NEB: variants seen among roughly 807,000 people sequenced by gnomAD.
NEB encodes nemaline myopathy type 2.
NEB carries 512 observed loss-of-function variants against 952.2 expected under a neutral mutation model. The observed-to-expected ratio is 0.54, with a 90% CI of 0.50 to 0.58. NEB has a LOEUF of 0.58. Ranked by LOEUF, NEB falls within the 20% of genes least tolerant of loss-of-function variation. NEB has a pLI of 0.00. For synonymous variants in NEB, 2,900 were observed against 3,149.8 expected, an observed-to-expected ratio of 0.92 and a Z score of 2.66; for missense variants, 8,428 against 9,231.1, an observed-to-expected ratio of 0.91 and a Z score of 3.56.
At chr2:151,571,279 A>G (rs1486314255) in intron 107 of NEB, among the ~76,000 whole-genome samples, 1 of 152,160 alleles carries the variant, frequency 6.6e-6, no homozygotes, top group Admixed American at 6.5e-5. Context: ...GTGCTCCAAT[A>G]ATATTCTTTC....
intron 173 of NEB, 39 bp downstream of exon 173, chr2:151,496,237 A>G: frequency 1.3e-6 from 2 of 1,500,362 alleles, no homozygotes; most frequent in Non-Finnish European, 1.8e-6. Flanking sequence ...AGTAGTTTTT[A>G]AAATCAGTAA....
chr2:151,563,774 AT>A (rs2096232014), intron 118 of NEB, 48 bp downstream of exon 118: 1 of 1,607,328 alleles, frequency 6.2e-7, no homozygotes. Flanking sequence ...CAGCCCCTTG[AT>A]CCCCAGTAAA....
intron 17 of NEB, 66 bp from the exon 18 acceptor site, chr2:151,695,748 T>C (rs1402750691): frequency 8.1e-7 from 1 of 1,236,640 alleles, no homozygotes; most frequent in African/African-American, 1.5e-5. Flanking sequence ...TCTTGTGTGG[T>C]ACATTTTGTA....
At chr2:151,556,945 C>A (rs979257666) in intron 124 of NEB, among the ~76,000 whole-genome samples, 1 of 151,994 alleles carries the variant, frequency 6.6e-6, no homozygotes, top group Non-Finnish European at 1.5e-5. Flanking sequence ...CCTAACATCA[C>A]AATTAAAAGA....
chr2:151,538,317 C>G, intron 138 of NEB, 73 bp from the exon 139 acceptor site: 2 of 1,101,902 alleles, frequency 1.8e-6, no homozygotes, highest in Non-Finnish European at 2.7e-6. Flanking sequence ...TAAGCATGAA[C>G]TCTCTTGTCT....
At chr2:151,680,943 ATGC>A in intron 29 of NEB, 115 bp from the exon 30 acceptor site, 2 of 825,986 alleles carry the variant, frequency 2.4e-6, no homozygotes, top group Admixed American at 1.9e-5. Context: ...TGATTTTAAA[ATGC>A]AAAAACACTA....
Position 151,526,942 on chromosome 2 carries a change from G to C in NEB, c.21921C>G (p.Leu7307=), listed in dbSNP as rs752202907. The change falls in exon 148 of 182, where the codon CTC becomes CTG. Residue 7307 remains leucine (L), a synonymous_variant. Transcript: ENST00000397345. Reference sequence around the variant, plus strand: ...CATCACTTTCTATTAAAGTATTCCTGAGGGCGAGCACCGTGTTTTTGTCAT... The same window carrying C: ...CATCACTTTCTATTAAAGTATTCCTCAGGGCGAGCACCGTGTTTTTGTCAT... The part of the protein sequence containing the change: ...VTDDKNTVLA[L]RNTLIESDLK... 1 of 1,600,176 alleles carries C rather than the reference G, an allele frequency of 6.2e-7. No individual in the cohort carries two copies. Among genetic ancestry groups the C allele is most frequent in the Non-Finnish European group, 8.5e-7 (1 of 1,172,094 alleles).
chr2:151,569,911 G>C (rs567882559), intron 109 of NEB, among the ~76,000 whole-genome samples, 170 bp downstream of exon 109: 1 of 152,152 alleles, frequency 6.6e-6, no homozygotes, highest in South Asian at 2.1e-4. Context: ...ATAAAGTCCA[G>C]GTCCTTCTTG....
intron 71 of NEB, 137 bp from the exon 72 acceptor site, chr2:151,621,163 CT>C: frequency 3.2e-6 from 2 of 621,120 alleles, no homozygotes; most frequent in Non-Finnish European, 5.6e-6. Flanking sequence ...AGAACTCTTT[CT>C]TTTACTTTCT....
At chr2:151,619,937 A>G (rs2098347257) in intron 72 of NEB, among the ~76,000 whole-genome samples, 175 bp from the exon 73 acceptor site, 2 of 152,014 alleles carry the variant, frequency 1.3e-5, no homozygotes, top group Non-Finnish European at 2.9e-5. Flanking sequence ...CCACAGAATA[A>G]CCCCACAATG....
chr2:151,695,739 C>G, intron 17 of NEB, 57 bp from the exon 18 acceptor site: 4 of 1,311,342 alleles, frequency 3.1e-6, no homozygotes, highest in Non-Finnish European at 4.3e-6. Flanking sequence ...TACAAAAATT[C>G]TTGTGTGGTA....
At chr2:151,690,173 T>C (rs1283165866) in intron 24 of NEB, 1 of 155,860 alleles carries the variant, frequency 6.4e-6, no homozygotes. Context: ...GCACTGCTGT[T>C]TTCCCCCGAT....
rs558563333 is a variant in NEB at position 151,502,117 on chromosome 2, G to A, written c.23929-634C>T. On this transcript the variant is annotated intron_variant, in intron 167 of 181. Transcript: ENST00000397345. ...TAGTATTGTAAGTGAAGTAACTCAG[G>A]AATGGAAAACCAAACATTGTATGTT... 4.0e-4 allele frequency among the ~76,000 whole-genome samples: 61 copies of A among 152,172 alleles called. 1 individual carries two copies. The highest frequency in any genetic ancestry group is 6.2e-4 in the South Asian group (3 of 4,824).
chr2:151,638,485 A>G (rs2098802963), intron 63 of NEB, among the ~76,000 whole-genome samples: 1 of 152,214 alleles, frequency 6.6e-6, no homozygotes, highest in African/African-American at 2.4e-5. Flanking sequence ...GGGGGTTGGC[A>G]CAGATTTGTT....
rs763408172 is a variant in NEB, at chr2:151,663,550, C to A, written c.5761G>T (p.Asp1921Tyr). The A allele has an allele frequency of 2.5e-6, 4 of 1,603,756 alleles. No homozygotes were observed. The East Asian group carries it at 9.0e-5, about 36-fold the overall frequency. The change falls in exon 45 of 182, where the codon GAT (aspartate) becomes TAT (tyrosine). Residue 1921 changes from aspartate to tyrosine, a missense_variant and splice_region_variant. Physicochemically the swap from Asp to Tyr is radical, Grantham distance 160. This residue lies in a region of NEB where 2,851 missense variants were observed against 2,791.5 expected (regional missense o/e 1.02). Transcript: ENST00000397345. ...LAKNMMQIQS[D>Y]NQYKADYADF... ...CTGCAAATGTGGTTTTCACGTACAT[C>A]ACTTTGAATCTGCATCATATTTTTG...
intron 181 of NEB, among the ~76,000 whole-genome samples, chr2:151,488,962 TC>T (rs1414788319): frequency 6.6e-6 from 1 of 152,228 alleles, no homozygotes; most frequent in African/African-American, 2.4e-5. Flanking sequence ...TATGTTTTGT[TC>T]TTTTTTAGTT....
At position 151,675,437 on chromosome 2, in the gene NEB, A is replaced by C. The variant is rs1456165567; in HGVS notation, c.3775-46T>G. On this transcript the variant is annotated intron_variant, in intron 34 of 181. Coordinates refer to ENST00000397345, the MANE Select transcript of NEB (RefSeq NM_001164508.2). ...CATAGTGCAAAAAGGAAAATCTATT[A>C]ATTGTTTGCTTTAAAGAGTTATTTT... 3.1e-6 allele frequency: 4 copies of C among 1,299,778 alleles called. No individual in the cohort carries two copies. The African/African-American group carries it at 5.9e-5, about 19-fold the overall frequency. 80.5% of individuals were successfully genotyped at this position (1,299,778 alleles called of 1,614,324 possible).
In NEB at chr2:151,617,284, T is replaced by C. The variant is rs1179724637; in HGVS notation, c.11181+80A>G. On this transcript the variant is annotated intron_variant, in intron 75 of 181. Coordinates refer to ENST00000397345, the MANE Select transcript of NEB (RefSeq NM_001164508.2). ...GTTTGTAGTATGTGTAGTAAATTAG[T>C]CAAAACCTTTTCCTAAGGAAACAGC... The C allele has an allele frequency of 1.4e-5, 13 of 954,006 alleles. No homozygotes were observed. In the Admixed American group the frequency reaches 1.4e-4, roughly 10 times the overall value. 59.1% of individuals were successfully genotyped at this position (954,006 alleles called of 1,614,324 possible). A position where few individuals can be genotyped will look rare whatever the true frequency, so the allele number is the denominator to read the frequency against.
At position 151,502,777 on chromosome 2, in the gene NEB, G is replaced by A; in HGVS notation, c.23928+16C>T. The A allele has an allele frequency of 1.4e-6, 2 of 1,415,800 alleles. No homozygotes were observed. Among genetic ancestry groups the A allele is most frequent in the Non-Finnish European group, 2.0e-6 (2 of 1,017,166 alleles). 87.7% of individuals were successfully genotyped at this position (1,415,800 alleles called of 1,614,324 possible). A position where few individuals can be genotyped will look rare whatever the true frequency, so the allele number is the denominator to read the frequency against. ...AAATTAAGGGATTTTTTTTTTTTTG[G>A]CCCCCTAAGAAATACCGAGCTAAAG... On this transcript the variant is annotated intron_variant, in intron 167 of 181. Transcript: ENST00000397345.
Sources: allele counts gnomAD v4.1 joint callset (sites outside exome capture counted in the v4.1 genomes callset), GRCh38; gene constraint gnomAD v4.1.1; regional missense constraint gnomAD v4.1.1; transcripts MANE v1.5; gene names NCBI Gene and HGNC (gene_info 2026-07-23, HGNC 2026-07-21).